ZC2HC1B: variants seen among roughly 807,000 people sequenced by gnomAD.
ZC2HC1B encodes zinc finger C2HC-type containing 1B.
Under a neutral mutation model 31.0 loss-of-function variants are expected in ZC2HC1B, and 36 were observed. The ratio of observed to expected loss-of-function variants is 1.16; its 90% CI spans 0.89 to 1.54. ZC2HC1B has a LOEUF of 1.54. Among genes scored for constraint, ZC2HC1B ranks in the 40% most tolerant of loss-of-function variants. The pLI is 0.00. For synonymous variants in ZC2HC1B, 73 were observed against 88.0 expected (o/e 0.83, Z 0.95); for missense variants, 260 against 268.6 (o/e 0.97, Z 0.22).
chr6:143,874,763 G>A (rs9496790), intron 1 of ZC2HC1B, among the ~76,000 whole-genome samples: 7,258 of 152,236 alleles, frequency 0.048, 450 homozygotes, highest in African/African-American at 0.14. Flanking sequence ...GTAATTCTCA[G>A]AGATACAATT....
chr6:143,935,327 T>G (rs1378122155), intron 6 of ZC2HC1B, among the ~76,000 whole-genome samples: 1 of 152,024 alleles, frequency 6.6e-6, no homozygotes, highest in Non-Finnish European at 1.5e-5. Flanking sequence ...TGACACCACA[T>G]GGGTCAAGCC....
chr6:143,868,466 ATTT>A lies in ZC2HC1B; in HGVS notation c.28+3907_28+3909del, dbSNP rs75389167. Among the ~76,000 whole-genome samples, 1 of 150,392 alleles carries A rather than the reference ATTT, an allele frequency of 6.6e-6. No homozygotes were observed. Among genetic ancestry groups the A allele is most frequent in the African/African-American group, 2.4e-5 (1 of 40,956 alleles). ...GGCTAGGCCAGTCTAGTCTTTTCAC[ATTT>A]TTTTTTTCTGCCTGCTTTAGATTCG... On this transcript the variant is annotated intron_variant, in intron 1 of 7. Coordinates refer to ENST00000237275, the MANE Select transcript of ZC2HC1B (RefSeq NM_001013623.3). The surrounding 1 kb of genome is among the most constrained non-coding windows in gnomAD (Gnocchi z 4.2).
intron 1 of ZC2HC1B, among the ~76,000 whole-genome samples, chr6:143,866,183 G>A (rs1271856454): frequency 6.6e-6 from 1 of 152,206 alleles, no homozygotes; most frequent in Non-Finnish European, 1.5e-5. Context: ...TACCACAGAT[G>A]CTCCTTGACT....
At chr6:143,912,197 A>G (rs1458739081) in intron 6 of ZC2HC1B, among the ~76,000 whole-genome samples, 1 of 152,034 alleles carries the variant, frequency 6.6e-6, no homozygotes, top group Non-Finnish European at 1.5e-5. Flanking sequence ...GCTTCTTTGC[A>G]TTGGTTTACA....
Position 143,932,166 on chromosome 6 carries a change from C to T in ZC2HC1B, c.599-5483C>T, listed in dbSNP as rs528782632. On this transcript the variant is annotated intron_variant, in intron 6 of 7. Coordinates refer to ENST00000237275, the MANE Select transcript of ZC2HC1B (RefSeq NM_001013623.3). The stretch of plus-strand genomic sequence containing the variant: ...CTGGGATTACAGATGTGAGCTACTG[C>T]ACCTAGCCTCTTTGAACTTCATATT... 4.6e-5 allele frequency among the ~76,000 whole-genome samples: 7 copies of T among 152,296 alleles called. No individual in the cohort carries two copies. The South Asian group carries it at 1.5e-3, about 32-fold the overall frequency.
rs182707808 is a variant in ZC2HC1B, at chr6:143,917,355, G to A, written c.598+14203G>A. On this transcript the variant is annotated intron_variant, in intron 6 of 7. Transcript: ENST00000237275. The surrounding 1 kb of genome is among the most constrained non-coding windows in gnomAD (Gnocchi z 4.1). ...AGCATGAAAACAGACTAATACTACCGTCTTCTTTTGTTTTTAGTTGATTTT... is the reference window on the plus strand; with the variant it reads ...AGCATGAAAACAGACTAATACTACCATCTTCTTTTGTTTTTAGTTGATTTT... 4.6e-5 allele frequency among the ~76,000 whole-genome samples: 7 copies of A among 152,216 alleles called. No homozygotes were observed. The highest frequency in any genetic ancestry group is 1.9e-4 in the East Asian group (1 of 5,190).
At chr6:143,891,995 C>A (rs1442831173) in intron 4 of ZC2HC1B, among the ~76,000 whole-genome samples, 1 of 152,136 alleles carries the variant, frequency 6.6e-6, no homozygotes, top group East Asian at 1.9e-4. Context: ...GTCTTATCAA[C>A]AAATGATGGT....
In ZC2HC1B at chr6:143,905,245, G is replaced by A. The variant is rs1777780155; in HGVS notation, c.598+2093G>A. Among the ~76,000 whole-genome samples, 1 of 152,058 alleles carries A rather than the reference G, an allele frequency of 6.6e-6. No homozygotes were observed. The highest frequency in any genetic ancestry group is 6.5e-5 in the Admixed American group (1 of 15,274). On this transcript the variant is annotated intron_variant, in intron 6 of 7. Coordinates refer to ENST00000237275, the MANE Select transcript of ZC2HC1B (RefSeq NM_001013623.3). This position sits in a 1 kb window ranked among gnomAD's most constrained non-coding sequence, Gnocchi z 4.2. ...TTTATGTCCTCTTTAATTTCTTTCA[G>A]CAATGTTTTGTAGTTTTCATTGTAC...
chr6:143,936,167 C>G (rs1455760807), intron 6 of ZC2HC1B, among the ~76,000 whole-genome samples: 1 of 152,036 alleles, frequency 6.6e-6, no homozygotes, highest in East Asian at 1.9e-4. Flanking sequence ...CTTATTGATC[C>G]CAGAGTCTTA....
At position 143,913,358 on chromosome 6, in the gene ZC2HC1B, C is replaced by CA; in HGVS notation, c.598+10209dup. Among the ~76,000 whole-genome samples the CA allele has an allele frequency of 6.6e-6, 1 of 152,312 alleles. No individual in the cohort carries two copies. The highest frequency in any genetic ancestry group is 1.9e-4 in the East Asian group (1 of 5,170). ...CACAGGCTGGAATAGCTGAATTGAC[C>CA]AAACAGCAGAGGTGTTGCCCACCAC... On this transcript the variant is annotated intron_variant, in intron 6 of 7. Transcript: ENST00000237275. This position sits in a 1 kb window ranked among gnomAD's most constrained non-coding sequence, Gnocchi z 5.7.
Position 143,905,924 on chromosome 6 carries a change from TC to T in ZC2HC1B, c.598+2774del. Among the ~76,000 whole-genome samples, 1 of 152,330 alleles carries T rather than the reference TC, an allele frequency of 6.6e-6. No individual in the cohort carries two copies. Among genetic ancestry groups the T allele is most frequent in the Non-Finnish European group, 1.5e-5 (1 of 68,032 alleles). On this transcript the variant is annotated intron_variant, in intron 6 of 7. Transcript: ENST00000237275. This position sits in a 1 kb window ranked among gnomAD's most constrained non-coding sequence, Gnocchi z 4.2. ...AATCTCACATGGTCATGGTGTATAA[TC>T]CTTTTAACATGCTACTGAACTTGAT...
At chr6:143,882,334 T>TTTTA (rs1554237237) in intron 1 of ZC2HC1B, among the ~76,000 whole-genome samples, 4 of 85,554 alleles carry the variant, frequency 4.7e-5, no homozygotes, top group African/African-American at 1.9e-4. Flanking sequence ...TTTATATTTT[T>TTTTA]TATATATATA....
At chr6:143,890,911 C>CTT (rs1777593334) in intron 4 of ZC2HC1B, among the ~76,000 whole-genome samples, 3 of 151,670 alleles carry the variant, frequency 2.0e-5, no homozygotes, top group Admixed American at 6.6e-5. Context: ...AGGTGGATCA[C>CTT]GAGGTCAGGT....
intron 6 of ZC2HC1B, among the ~76,000 whole-genome samples, chr6:143,920,531 G>A (rs781370308): frequency 3.3e-5 from 5 of 152,150 alleles, no homozygotes; most frequent in Non-Finnish European, 7.4e-5. Flanking sequence ...GTAAATATAA[G>A]CAAAATGGTA....
rs1399085799 is a variant in ZC2HC1B at position 143,868,538 on chromosome 6, G to A, written c.28+3971G>A. Reference sequence around the variant, plus strand: ...CTAGGTGGTGCCCACCCAGATTAAGGATGAGTCTGCCTTCCCCAGCCCACT... The same window carrying A: ...CTAGGTGGTGCCCACCCAGATTAAGAATGAGTCTGCCTTCCCCAGCCCACT... On this transcript the variant is annotated intron_variant, in intron 1 of 7. Coordinates refer to ENST00000237275, the MANE Select transcript of ZC2HC1B (RefSeq NM_001013623.3). This position sits in a 1 kb window ranked among gnomAD's most constrained non-coding sequence, Gnocchi z 4.2. Among the ~76,000 whole-genome samples the A allele has an allele frequency of 6.6e-6, 1 of 152,074 alleles. No individual in the cohort carries two copies. Among genetic ancestry groups the A allele is most frequent in the Admixed American group, 6.6e-5 (1 of 15,266 alleles).
chr6:143,879,564 G>A (rs1465601952), intron 1 of ZC2HC1B, among the ~76,000 whole-genome samples: 1 of 152,178 alleles, frequency 6.6e-6, no homozygotes, highest in African/African-American at 2.4e-5. Flanking sequence ...GGACTGCAAA[G>A]AACTGAAGAG....
rs562538944 is a variant in ZC2HC1B at position 143,905,032 on chromosome 6, T to C, written c.598+1880T>C. On this transcript the variant is annotated intron_variant, in intron 6 of 7. Transcript: ENST00000237275. This position sits in a 1 kb window ranked among gnomAD's most constrained non-coding sequence, Gnocchi z 4.2. ...TGAGTCCTCCAAGGTACAGCCAAGA[T>C]TGTTTTGGCTATTTGGGATCCCTTG... Among the ~76,000 whole-genome samples, 1 of 152,330 alleles carries C rather than the reference T, an allele frequency of 6.6e-6. No homozygotes were observed. Among genetic ancestry groups the C allele is most frequent in the East Asian group, 1.9e-4 (1 of 5,186 alleles).
intron 1 of ZC2HC1B, among the ~76,000 whole-genome samples, chr6:143,876,632 A>AAT (rs890395725): frequency 2.7e-5 from 4 of 150,108 alleles, no homozygotes; most frequent in East Asian, 1.9e-4. Context: ...ATATAAGGGG[A>AAT]ATATATATAT....
rs1777938233 is a variant in ZC2HC1B, at chr6:143,917,979, A to G, written c.598+14827A>G. ...AGTTGCAAACCATTATTACAATAGT[A>G]CTAGCTTTTATAATTGTCCATGCAT... On this transcript the variant is annotated intron_variant, in intron 6 of 7. Transcript: ENST00000237275. This position sits in a 1 kb window ranked among gnomAD's most constrained non-coding sequence, Gnocchi z 4.1. Among the ~76,000 whole-genome samples, 1 of 152,182 alleles carries G rather than the reference A, an allele frequency of 6.6e-6. No individual in the cohort carries two copies. Among genetic ancestry groups the G allele is most frequent in the Non-Finnish European group, 1.5e-5 (1 of 68,022 alleles).
Sources: allele counts gnomAD v4.1 joint callset (sites outside exome capture counted in the v4.1 genomes callset), GRCh38; gene constraint gnomAD v4.1.1; non-coding constraint Gnocchi (gnomAD v3.1); transcripts MANE v1.5; gene names NCBI Gene and HGNC (gene_info 2026-07-23, HGNC 2026-07-21).